The following OLFM1 variants were observed in gnomAD, a reference collection of about 807,000 sequenced individuals.
OLFM1 encodes the protein noelin.
OLFM1 carries 9 observed loss-of-function variants against 49.7 expected under a neutral mutation model. The ratio of observed to expected loss-of-function variants is 0.18; its 90% CI spans 0.11 to 0.32. The LOEUF is 0.32. OLFM1 is among the 10% of genes least tolerant of loss of function. The pLI, the probability that OLFM1 is intolerant of heterozygous loss-of-function variation, is 1.00. For synonymous variants in OLFM1, 240 were observed against 271.8 expected (o/e 0.88, Z 1.15); for missense variants, 369 against 661.8 (o/e 0.56, Z 4.85).
intron 5 of OLFM1, among the ~76,000 whole-genome samples, chr9:135,116,877 GA>G (rs139575117): frequency 1.1e-3 from 156 of 136,990 alleles, no homozygotes; most frequent in East Asian, 2.3e-3. Context: ...AGGCCCAGCT[GA>G]AAAAAAAAAA....
chr9:135,081,783 A>T lies in OLFM1; in HGVS notation c.96+5981A>T, dbSNP rs530953780. ...TTGAGGTCAGGAGTTCGAGGCCAAGAAGTAAGAAATAGGATCTACAGGTCC... is the reference window on the plus strand; with the variant it reads ...TTGAGGTCAGGAGTTCGAGGCCAAGTAGTAAGAAATAGGATCTACAGGTCC... On this transcript the variant is annotated intron_variant, in intron 1 of 5. Coordinates refer to the OLFM1 transcript ENST00000252854. Among the ~76,000 whole-genome samples the T allele has an allele frequency of 2.0e-5, 3 of 152,236 alleles. No homozygotes were observed. In the South Asian group the frequency reaches 6.2e-4, roughly 32 times the overall value.
Position 135,095,980 on chromosome 9 carries a change from G to A in OLFM1, c.417G>A (p.Val139=). The change falls in exon 3 of 6, where the codon GTG becomes GTA. Residue 139 remains valine, a synonymous_variant. Coordinates refer to ENST00000371793, the MANE Select transcript of OLFM1 (RefSeq NM_001282611.2). ...MKGLESKFKQ[V]EESHKQHLAR... ...GACTGGAGTCCAAGTTCAAACAGGT[G>A]GAGGAGAGTCATAAGCAACACCTGG... 1 of 1,525,712 alleles carries A rather than the reference G, an allele frequency of 6.6e-7. No individual in the cohort carries two copies. The highest frequency in any genetic ancestry group is 8.9e-7 in the Non-Finnish European group (1 of 1,127,476). The allele number at this position is 1,525,712 out of a possible 1,614,324, so 94.5% of individuals were successfully genotyped here. A position where few individuals can be genotyped will look rare whatever the true frequency, so the allele number is the denominator to read the frequency against.
Position 135,119,934 on chromosome 9 carries a change from C to G in OLFM1, c.1214C>G (p.Ala405Gly). 6.2e-7 allele frequency: 1 copy of G among 1,613,594 alleles called. No homozygotes were observed. The highest frequency in any genetic ancestry group is 8.5e-7 in the Non-Finnish European group (1 of 1,180,032). ...TACCCCAAGCGCAGCGCCGGGGAGG[C>G]CTTCATCATCTGCGGCACGCTGTAC... ...TSYPKRSAGEAFIICGTLYVT... is the reference protein window; with the variant it reads ...TSYPKRSAGEGFIICGTLYVT... The change falls in exon 6 of 6, where the codon GCC (alanine) becomes GGC (glycine). Residue 405 changes from alanine (A) to glycine (G), a missense_variant. This residue lies in a region of OLFM1 where 294 missense variants were observed against 567.5 expected (regional missense o/e 0.52). Transcript: ENST00000371793.
chr9:135,090,954 G>T (rs562144591), intron 2 of OLFM1, among the ~76,000 whole-genome samples: 8 of 152,320 alleles, frequency 5.3e-5, no homozygotes, highest in African/African-American at 1.9e-4. Context: ...TGCATATGTC[G>T]TTTGCATAAC....
chr9:135,097,991 C>T, intron 3 of OLFM1: 4 of 1,422,486 alleles, frequency 2.8e-6, no homozygotes, highest in Non-Finnish European at 3.6e-6. Context: ...TAGTTTGAAC[C>T]CTTGTCAATG....
chr9:135,100,636 C>T (rs187773901), intron 4 of OLFM1, among the ~76,000 whole-genome samples: 2 of 152,200 alleles, frequency 1.3e-5, no homozygotes, highest in African/African-American at 4.8e-5. Flanking sequence ...TGAGCTCCCC[C>T]GTTAGAGGAG....
chr9:135,076,285 G>A (rs1213794165), intron 1 of OLFM1: 1 of 1,550,528 alleles, frequency 6.4e-7, no homozygotes, highest in South Asian at 1.2e-5. Flanking sequence ...AGGCGGTGGG[G>A]ATTGTGCCGC....
intron 5 of OLFM1, among the ~76,000 whole-genome samples, chr9:135,108,805 C>T (rs958986878): frequency 2.0e-5 from 3 of 152,166 alleles, no homozygotes; most frequent in Non-Finnish European, 4.4e-5. Context: ...GCGTCGGGGT[C>T]ATTGGCATCT....
At chr9:135,108,648 A>G (rs1418762707) in intron 5 of OLFM1, among the ~76,000 whole-genome samples, 2 of 151,948 alleles carry the variant, frequency 1.3e-5, no homozygotes, top group African/African-American at 2.4e-5. Flanking sequence ...AAAAAAAACA[A>G]AAAAAACAGC....
At chr9:135,104,732 G>A (rs1830917072) in intron 4 of OLFM1, among the ~76,000 whole-genome samples, 1 of 152,194 alleles carries the variant, frequency 6.6e-6, no homozygotes, top group Non-Finnish European at 1.5e-5. Flanking sequence ...CAGTGCAGAG[G>A]GAGCTGCTGT....
intron 5 of OLFM1, among the ~76,000 whole-genome samples, chr9:135,115,503 G>T (rs575492797): frequency 6.6e-6 from 1 of 152,246 alleles, no homozygotes; most frequent in Admixed American, 6.5e-5. Context: ...GGACAGCAGC[G>T]CATCAGGGCT....
At chr9:135,077,158 A>T (rs1009169662) in intron 1 of OLFM1, 5 of 1,548,712 alleles carry the variant, frequency 3.2e-6, no homozygotes, top group South Asian at 2.4e-5. Flanking sequence ...GTGCACACAC[A>T]CACACACACA....
chr9:135,078,992 C>A (rs374602661), intron 1 of OLFM1, among the ~76,000 whole-genome samples: 13 of 152,268 alleles, frequency 8.5e-5, no homozygotes, highest in Non-Finnish European at 1.6e-4. Context: ...GACCCCCAAC[C>A]CCATTCTTTC....
upstream of OLFM1, among the ~76,000 whole-genome samples, chr9:135,083,228 C>G (rs1434028854): frequency 2.0e-5 from 3 of 152,170 alleles, no homozygotes; most frequent in Non-Finnish European, 4.4e-5. Flanking sequence ...ATTGTCTTGT[C>G]CCTGTTCTTC....
At chr9:135,099,294 G>T (rs186478351) in intron 4 of OLFM1, among the ~76,000 whole-genome samples, 11 of 152,262 alleles carry the variant, frequency 7.2e-5, no homozygotes, top group African/African-American at 2.4e-4. Flanking sequence ...CACAAAGGTT[G>T]TTGTTTTCAT....
At position 135,113,462 on chromosome 9, in the gene OLFM1, C is replaced by T. The variant is rs1423754335; in HGVS notation, c.784-6042C>T. Among the ~76,000 whole-genome samples the T allele has an allele frequency of 6.6e-6, 1 of 152,172 alleles. No individual in the cohort carries two copies. The highest frequency in any genetic ancestry group is 1.9e-4 in the East Asian group (1 of 5,194). On this transcript the variant is annotated intron_variant, in intron 5 of 5. Transcript: ENST00000371793. This position sits in a 1 kb window ranked among gnomAD's most constrained non-coding sequence, Gnocchi z 4.0. ...ATGATGATAGCTGGCATTTATTGAA[C>T]CACTACAGGTGGCAGGTCCTCACAG...
rs1225913311 is a variant in OLFM1, at chr9:135,098,781, G to T, written c.676+276G>T. ...AAAATAGCATACCATCTGGCAGATTGTGTGTGTGTGTGTGAATCGTATGTG... is the reference window on the plus strand; with the variant it reads ...AAAATAGCATACCATCTGGCAGATTTTGTGTGTGTGTGTGAATCGTATGTG... On this transcript the variant is annotated intron_variant, in intron 4 of 5. Coordinates refer to ENST00000371793, the MANE Select transcript of OLFM1 (RefSeq NM_001282611.2). The surrounding 1 kb of genome is among the most constrained non-coding windows in gnomAD (Gnocchi z 5.6). Among the ~76,000 whole-genome samples, 1 of 151,662 alleles carries T rather than the reference G, an allele frequency of 6.6e-6. No individual in the cohort carries two copies. Among genetic ancestry groups the T allele is most frequent in the Admixed American group, 6.6e-5 (1 of 15,204 alleles).
chr9:135,077,162 A>G (rs1190153063), intron 1 of OLFM1: 2 of 1,547,324 alleles, frequency 1.3e-6, no homozygotes, highest in Non-Finnish European at 8.7e-7. Context: ...ACACACACAC[A>G]CACACATGCA....
At chr9:135,114,923 C>T (rs1488069355) in intron 5 of OLFM1, among the ~76,000 whole-genome samples, 8 of 152,146 alleles carry the variant, frequency 5.3e-5, no homozygotes, top group Non-Finnish European at 7.3e-5. Context: ...CCTCTTCGCA[C>T]GCGGCACAGT....
Sources: gnomAD v4.1 joint callset for allele counts (sites outside exome capture counted in the v4.1 genomes callset) on GRCh38, gnomAD v4.1.1 for gene constraint, gnomAD v4.1.1 regional missense constraint, Gnocchi (gnomAD v3.1) non-coding constraint, MANE v1.5 for transcripts, NCBI Gene and HGNC (gene_info 2026-07-23, HGNC 2026-07-21) for gene names.